The following TRIM10 variants were observed in gnomAD, a reference collection of about 807,000 sequenced individuals.
The protein encoded by TRIM10 is tripartite motif containing 10, also known as tripartite motif-containing protein 10.
A neutral mutation model predicts 40.0 loss-of-function variants in TRIM10; 42 were observed. The ratio of observed to expected loss-of-function variants is 1.05; its 90% CI spans 0.82 to 1.36. TRIM10 has a LOEUF of 1.36. Among genes scored for constraint, TRIM10 ranks in the 40% most tolerant of loss-of-function variants. The probability of loss-of-function intolerance (pLI) is 0.00; values close to 1 mark genes in which losing one functional copy is unlikely to be tolerated. For missense variants in TRIM10, 601 were observed against 608.3 expected, an observed-to-expected ratio of 0.99 and a Z score of 0.13; for synonymous variants, 260 against 239.5, an observed-to-expected ratio of 1.09 and a Z score of -0.79.
upstream of TRIM10, chr6:30,163,747 G>A (rs144796171): frequency 1.6e-5 from 26 of 1,612,872 alleles, no homozygotes; most frequent in Admixed American, 8.3e-5. Context: ...TCTGTGCGGG[G>A]CCGCTGGAGG....
chr6:30,163,777 T>G, upstream of TRIM10: 1 of 1,613,018 alleles, frequency 6.2e-7, no homozygotes, highest in South Asian at 1.1e-5. Flanking sequence ...CCATTCCCTG[T>G]GGACACACCT....
Position 30,160,855 on chromosome 6 carries a change from C to T in TRIM10, c.4G>A (p.Ala2Thr). 3.7e-6 allele frequency: 6 copies of T among 1,604,754 alleles called. No homozygotes were observed. The highest frequency in any genetic ancestry group is 1.1e-5 in the South Asian group (1 of 90,362). Residue 2 changes from alanine (A) to threonine (T), a missense_variant, in exon 1 of 7, where the codon GCC becomes ACC. Physicochemically the swap from Ala to Thr is moderately conservative, Grantham distance 58 (BLOSUM62 0). Coordinates refer to ENST00000449742, the MANE Select transcript of TRIM10 (RefSeq NM_006778.4). MASAASVTSLAD... is the reference protein window; with the variant it reads MTSAASVTSLAD... ...AGGCTGGTCACAGAGGCAGCAGAGG[C>T]CATGCTGGTCCTGCTGCTATGGCTT... is the stretch of plus-strand genomic sequence containing the variant.
chr6:30,154,298 G>A lies in TRIM10; in HGVS notation c.1117C>T (p.Leu373=), dbSNP rs774959631. The change falls in exon 7 of 7, where the codon CTG becomes TTG. Residue 373 remains leucine, a synonymous_variant. Transcript: ENST00000449742. ...ACGGTGCAGCTGCCCCCATGGGCCA[G>A]GTCTATACTCACCACCCACGTGTGT... is the stretch of plus-strand genomic sequence containing the variant. The part of the protein sequence containing the change: ...GRHTWVVSID[L]AHGGSCTVGV... 8.7e-6 allele frequency: 14 copies of A among 1,613,088 alleles called. No homozygotes were observed. The highest frequency in any genetic ancestry group is 2.2e-5 in the East Asian group (1 of 44,882).
In TRIM10 at chr6:30,154,177, G is replaced by C. The variant is rs759022195; in HGVS notation, c.1238C>G (p.Ser413Trp). 1.2e-6 allele frequency: 2 copies of C among 1,611,836 alleles called. No individual in the cohort carries two copies. The highest frequency in any genetic ancestry group is 1.7e-6 in the Non-Finnish European group (2 of 1,179,168). ...CCGTGTGGGGAAGGAGCCCAGAGCCGAGACGAAGCCCCAAGCCAGCCTCAC... is the reference window on the plus strand; with the variant it reads ...CCGTGTGGGGAAGGAGCCCAGAGCCCAGACGAAGCCCCAAGCCAGCCTCAC... The part of the protein sequence containing the change: ...WAVRLAWGFV[S>W]ALGSFPTRLT... Residue 413 changes from serine to tryptophan, a missense_variant, in exon 7 of 7, where the codon TCG becomes TGG. Coordinates refer to ENST00000449742, the MANE Select transcript of TRIM10 (RefSeq NM_006778.4).
chr6:30,154,092 C>G lies in TRIM10; in HGVS notation c.1323G>C (p.Trp441Cys). 6.2e-7 allele frequency: 1 copy of G among 1,612,990 alleles called. No homozygotes were observed. The highest frequency in any genetic ancestry group is 8.5e-7 in the Non-Finnish European group (1 of 1,179,988). The change falls in exon 7 of 7, where the codon TGG becomes TGC. Residue 441 changes from tryptophan to cysteine, a missense_variant. Transcript: ENST00000449742. ...GGGTGACAGCGTTGGTGAAGGTCAC[C>G]CAGCCCACCTCATAGTCAAGAGACA... Reference protein sequence around the residue: ...VRVSLDYEVGWVTFTNAVTRE... With the variant: ...VRVSLDYEVGCVTFTNAVTRE...
At position 30,153,135 on chromosome 6, in the gene TRIM10, C is replaced by T. The variant is rs2285795; in HGVS notation, c.*834G>A. 0.22 allele frequency: 33,626 copies of T among 153,218 alleles called. 4,099 individuals are homozygous for T. The highest frequency in any genetic ancestry group is 0.29 in the East Asian group (1,527 of 5,186). 9.5% of individuals were successfully genotyped at this position (153,218 alleles called of 1,614,324 possible). On this transcript the variant is annotated 3_prime_UTR_variant, in exon 7 of 7. Transcript: ENST00000449742. ...CCAGGAGGAAGGAGGCAGTGAGTGG[C>T]GTCGGCTGGGGATGGCACACATCTG...
chr6:30,154,382 G>A lies in TRIM10; in HGVS notation c.1033C>T (p.Pro345Ser). 6.2e-7 allele frequency: 1 copy of A among 1,613,014 alleles called. No homozygotes were observed. The highest frequency in any genetic ancestry group is 8.5e-7 in the Non-Finnish European group (1 of 1,179,990). The part of the protein sequence containing the change: ...SYKWQNSPDN[P>S]QRFDRATCVL... The stretch of plus-strand genomic sequence containing the variant: ...CAGGTGGCCCGGTCAAAACGTTGGG[G>A]GTTGTCTGGTGAGTTCTGCCATTTG... Residue 345 changes from proline (P) to serine (S), a missense_variant, in exon 7 of 7, where the codon CCC becomes TCC. Transcript: ENST00000449742.
intron 5 of TRIM10, among the ~76,000 whole-genome samples, chr6:30,156,376 C>T (rs188054536): frequency 2.6e-5 from 4 of 152,252 alleles, no homozygotes; most frequent in African/African-American, 9.6e-5. Context: ...GGCAGAGAGC[C>T]ATGTCCCATT....
At position 30,152,349 on chromosome 6, in the gene TRIM10, G is replaced by A. The variant is rs1438270509; in HGVS notation, c.*1620C>T. Reference sequence around the variant, plus strand: ...AAGCCAATAAAAATAAACAAAAATAGGATCTACTTTTCTGGAATCACAGGT... The same window carrying A: ...AAGCCAATAAAAATAAACAAAAATAAGATCTACTTTTCTGGAATCACAGGT... On this transcript the variant is annotated 3_prime_UTR_variant, in exon 7 of 7. Transcript: ENST00000449742. 2.0e-5 allele frequency: 3 copies of A among 152,082 alleles called. No homozygotes were observed. The highest frequency in any genetic ancestry group is 4.4e-5 in the Non-Finnish European group (3 of 68,012). 9.4% of individuals were successfully genotyped at this position (152,082 alleles called of 1,614,324 possible). A position where few individuals can be genotyped will look rare whatever the true frequency, so the allele number is the denominator to read the frequency against.
At chr6:30,161,997 C>T (rs537369677), upstream of TRIM10, among the ~76,000 whole-genome samples, 2 of 151,926 alleles carry the variant, frequency 1.3e-5, no homozygotes, top group African/African-American at 2.4e-5. Flanking sequence ...GTGTGTTGGC[C>T]GGGCGCGGTG....
At chr6:30,163,273 AGC>A, upstream of TRIM10, 1 of 199,522 alleles carries the variant, frequency 5.0e-6, no homozygotes. Flanking sequence ...TCTGACAGGA[AGC>A]TTCTGCTCCC....
upstream of TRIM10, among the ~76,000 whole-genome samples, chr6:30,161,238 G>A (rs1025818464): frequency 6.6e-6 from 1 of 152,178 alleles, no homozygotes; most frequent in Non-Finnish European, 1.5e-5. Context: ...GCAAGTGGGA[G>A]ACTGGGTCAC....
At position 30,160,426 on chromosome 6, in the gene TRIM10, C is replaced by T. The variant is rs1335866248; in HGVS notation, c.429+4G>A. ...CCTGGGATCCCCCAGTTCCCCTTTC[C>T]TACCCTATAGGGAGCCGCTGCATCC... On this transcript the variant is annotated splice_donor_region_variant and intron_variant, in intron 1 of 6. Transcript: ENST00000449742. The T allele has an allele frequency of 1.2e-6, 2 of 1,611,530 alleles. No individual in the cohort carries two copies. The highest frequency in any genetic ancestry group is 1.7e-6 in the Non-Finnish European group (2 of 1,178,208).
upstream of TRIM10, chr6:30,163,810 G>A (rs769109289): frequency 1.9e-6 from 3 of 1,612,868 alleles, no homozygotes; most frequent in Non-Finnish European, 2.5e-6. Context: ...GCCTCCCCGC[G>A]CTCTCCCAGA....
chr6:30,163,465 C>A (rs1773297020), upstream of TRIM10: 4 of 618,958 alleles, frequency 6.5e-6, no homozygotes, highest in Non-Finnish European at 8.2e-6. Context: ...GGACCCACTC[C>A]GCTGATAGGT....
At chr6:30,163,386 A>G (rs1581589172), upstream of TRIM10, 1 of 508,296 alleles carries the variant, frequency 2.0e-6, no homozygotes, top group South Asian at 3.0e-5. Flanking sequence ...AGAAGGAGCC[A>G]GGAGTAAAGA....
chr6:30,155,258 G>A (rs771888744), intron 6 of TRIM10, among the ~76,000 whole-genome samples: 9 of 151,996 alleles, frequency 5.9e-5, no homozygotes, highest in African/African-American at 1.9e-4. Context: ...CCCACAGGCC[G>A]CCCTCCTTCT....
upstream of TRIM10, chr6:30,163,554 TTC>T (rs1562136672): frequency 6.9e-5 from 78 of 1,134,602 alleles, no homozygotes; most frequent in Middle Eastern, 3.1e-4. Flanking sequence ...CTCTCTCTCT[TTC>T]TCTCTCTCTG....
chr6:30,156,518 G>A (rs1269583034), intron 5 of TRIM10, among the ~76,000 whole-genome samples: 1 of 152,138 alleles, frequency 6.6e-6, no homozygotes, highest in African/African-American at 2.4e-5. Context: ...GAAGGAAGGA[G>A]GGACGAGCCA....
Sources: allele counts gnomAD v4.1 joint callset (sites outside exome capture counted in the v4.1 genomes callset), GRCh38; gene constraint gnomAD v4.1.1; transcripts MANE v1.5; gene names NCBI Gene and HGNC (gene_info 2026-07-23, HGNC 2026-07-21).